The following GALK2 variants were observed in gnomAD, a reference collection of about 807,000 sequenced individuals.
The protein encoded by GALK2 is N-acetylgalactosamine kinase.
Under a neutral mutation model 52.4 loss-of-function variants are expected in GALK2, and 36 were observed. The ratio of observed to expected loss-of-function variants is 0.69; its 90% confidence interval spans 0.53 to 0.91. The LOEUF is 0.91. Among genes scored for constraint, GALK2 ranks in the 40% least tolerant of loss-of-function variants. GALK2 has a pLI of 0.00. For synonymous variants in GALK2, 176 were observed against 199.1 expected (o/e 0.88, Z 0.98); for missense variants, 579 against 559.1 (o/e 1.04, Z -0.36).
At chr15:49,249,931 G>A (rs1490914327) in intron 5 of GALK2, among the ~76,000 whole-genome samples, 3 of 151,870 alleles carry the variant, frequency 2.0e-5, no homozygotes, top group Non-Finnish European at 4.4e-5. Context: ...CTTTGTTCTC[G>A]TCTGCCCGTG....
At chr15:49,242,945 A>T (rs2091169452) in intron 5 of GALK2, among the ~76,000 whole-genome samples, 1 of 152,216 alleles carries the variant, frequency 6.6e-6, no homozygotes, top group Non-Finnish European at 1.5e-5. Flanking sequence ...TAAGCCAAGG[A>T]GACATAAATA....
At chr15:49,172,555 A>G (rs749282366) in intron 1 of GALK2, among the ~76,000 whole-genome samples, 1 of 152,212 alleles carries the variant, frequency 6.6e-6, no homozygotes, top group African/African-American at 2.4e-5. Context: ...AAATGAATGA[A>G]TGGTCAGCCT....
chr15:49,206,513 C>T (rs7183081), intron 2 of GALK2, among the ~76,000 whole-genome samples: 140,344 of 152,084 alleles, frequency 0.92, 65,838 homozygotes, highest in East Asian at 1. Context: ...AGCAGTGTTT[C>T]GTAGTTTTCC....
Position 49,329,310 on chromosome 15 carries a change from T to G in GALK2, c.*1151T>G, listed in dbSNP as rs185268010. 20 of 985,438 alleles carry G rather than the reference T, an allele frequency of 2.0e-5. No homozygotes were observed. The East Asian group carries it at 2.0e-3, about 101-fold the overall frequency. 61.0% of individuals were successfully genotyped at this position (985,438 alleles called of 1,614,324 possible). A position where few individuals can be genotyped will look rare whatever the true frequency, so the allele number is the denominator to read the frequency against. ...CTGGCTTTCTCTTGTGGATGGACTA[T>G]AGGAAGCACTTTCTGAATTATGTAA... On this transcript the variant is annotated 3_prime_UTR_variant, in exon 10 of 10. Coordinates refer to ENST00000560031, the MANE Select transcript of GALK2 (RefSeq NM_002044.4).
chr15:49,265,665 G>T (rs577435457), intron 5 of GALK2, among the ~76,000 whole-genome samples: 1 of 152,206 alleles, frequency 6.6e-6, no homozygotes, highest in Non-Finnish European at 1.5e-5. Context: ...CTTCTGCGTC[G>T]CTCACGCTGG....
intron 8 of GALK2, among the ~76,000 whole-genome samples, chr15:49,308,183 A>G (rs529356357): frequency 3.9e-5 from 6 of 152,314 alleles, no homozygotes; most frequent in Non-Finnish European, 7.4e-5. Context: ...CTTCACTGCA[A>G]AGGGAAACAG....
chr15:49,179,633 CT>C (rs1482538457), intron 1 of GALK2, among the ~76,000 whole-genome samples: 8 of 143,486 alleles, frequency 5.6e-5, no homozygotes, highest in Non-Finnish European at 1.2e-4. Context: ...TACTGCTGTT[CT>C]TTTTTCTTTG....
At chr15:49,213,414 A>G (rs2089098396) in intron 2 of GALK2, among the ~76,000 whole-genome samples, 1 of 152,296 alleles carries the variant, frequency 6.6e-6, no homozygotes. Flanking sequence ...ACCTAGGTAT[A>G]CGTGTGCCAT....
At chr15:49,164,720 G>T (rs964324980) in intron 1 of GALK2, among the ~76,000 whole-genome samples, 2 of 131,360 alleles carry the variant, frequency 1.5e-5, no homozygotes, top group South Asian at 4.9e-4. Flanking sequence ...GGCGGAGGTT[G>T]CAGTGAGCCG....
chr15:49,253,432 T>G (rs1308709357), intron 5 of GALK2, among the ~76,000 whole-genome samples: 2 of 144,496 alleles, frequency 1.4e-5, no homozygotes, highest in African/African-American at 2.5e-5. Context: ...TTTCTTTCTT[T>G]CTTTTTTTTT....
chr15:49,283,697 G>A lies in GALK2; in HGVS notation c.735G>A (p.Met245Ile). Residue 245 changes from methionine (M) to isoleucine (I), a missense_variant, in exon 7 of 10, where the codon ATG becomes ATA. Physicochemically the swap from Met to Ile is conservative, Grantham distance 10 (BLOSUM62 1). Coordinates refer to ENST00000560031, the MANE Select transcript of GALK2 (RefSeq NM_002044.4). ...AATSHFNIRV[M>I]ECRLAAKLLA... is the part of the protein sequence containing the mutation. Reference sequence around the variant, plus strand: ...CTTCCCATTTCAATATCAGGGTGATGGAGTGTCGGCTGGCTGCGAAGGTAT... The same window carrying A: ...CTTCCCATTTCAATATCAGGGTGATAGAGTGTCGGCTGGCTGCGAAGGTAT... 6.2e-7 allele frequency: 1 copy of A among 1,614,030 alleles called. No individual in the cohort carries two copies. Among genetic ancestry groups the A allele is most frequent in the East Asian group, 2.2e-5 (1 of 44,880 alleles).
intron 5 of GALK2, among the ~76,000 whole-genome samples, chr15:49,263,872 T>G (rs970179110): frequency 1.3e-5 from 2 of 150,924 alleles, no homozygotes; most frequent in African/African-American, 4.9e-5. Flanking sequence ...GAAAATTCTT[T>G]TCTTTCAGAA....
Position 49,357,307 on chromosome 15 carries a change from G to C in GALK2, c.427-10184G>C, listed in dbSNP as rs1197695777. On this transcript the variant is annotated intron_variant, in intron 3 of 3. Transcript: ENST00000558399. ...TAGTGAATCCAGGAGCTGGTTTTTTGAAAGGATCAACAAAATTGATAGACC... is the reference window on the plus strand; with the variant it reads ...TAGTGAATCCAGGAGCTGGTTTTTTCAAAGGATCAACAAAATTGATAGACC... Among the ~76,000 whole-genome samples, 67 of 150,614 alleles carry C rather than the reference G, an allele frequency of 4.4e-4. 2 individuals carry two copies. In the South Asian group the frequency reaches 0.012, roughly 27 times the overall value.
chr15:49,273,722 A>G (rs2031159467), intron 5 of GALK2, among the ~76,000 whole-genome samples: 2 of 152,208 alleles, frequency 1.3e-5, no homozygotes, highest in African/African-American at 4.8e-5. Flanking sequence ...ATGTTTGCCA[A>G]CTTGGGGAAG....
rs573062234 is a variant in GALK2 at position 49,260,883 on chromosome 15, G to C, written c.505-21104G>C. Among the ~76,000 whole-genome samples, 437 of 152,258 alleles carry C rather than the reference G, an allele frequency of 2.9e-3. 3 individuals carry two copies. The highest frequency in any genetic ancestry group is 0.01 in the African/African-American group (428 of 41,550). On this transcript the variant is annotated intron_variant, in intron 5 of 9. Transcript: ENST00000560031. ...TCAAATATCAGATAGTTGTAGATATGTGGTGTTATTTCTGAGGGCTCTGTT... is the reference window on the plus strand; with the variant it reads ...TCAAATATCAGATAGTTGTAGATATCTGGTGTTATTTCTGAGGGCTCTGTT...
At chr15:49,194,688 C>T (rs1210502791) in intron 1 of GALK2, among the ~76,000 whole-genome samples, 2 of 151,262 alleles carry the variant, frequency 1.3e-5, no homozygotes, top group African/African-American at 4.9e-5. Context: ...CTCTGCTTCC[C>T]AAGTTTAAGT....
chr15:49,319,315 G>A (rs2036693277), intron 8 of GALK2, among the ~76,000 whole-genome samples: 1 of 152,262 alleles, frequency 6.6e-6, no homozygotes, highest in East Asian at 1.9e-4. Flanking sequence ...TGTTAGGTCT[G>A]TCTTCATTTG....
intron 1 of GALK2, among the ~76,000 whole-genome samples, chr15:49,160,502 C>T (rs1402463078): frequency 2.0e-5 from 3 of 152,004 alleles, no homozygotes; most frequent in Admixed American, 2.0e-4. Flanking sequence ...CTCCCTGTAC[C>T]TGGGATGACT....
intron 8 of GALK2, among the ~76,000 whole-genome samples, chr15:49,298,316 G>T (rs2034662182): frequency 6.6e-6 from 1 of 152,040 alleles, no homozygotes; most frequent in Non-Finnish European, 1.5e-5. Flanking sequence ...CGAGCCTTTG[G>T]GCAGAGACTA....
Sources: gnomAD v4.1 joint callset for allele counts (sites outside exome capture counted in the v4.1 genomes callset) on GRCh38, gnomAD v4.1.1 for gene constraint, MANE v1.5 for transcripts, NCBI Gene and HGNC (gene_info 2026-07-23, HGNC 2026-07-21) for gene names.